NHSL1: variants seen among roughly 807,000 people sequenced by gnomAD.
NHSL1 encodes NHS-like protein 1.
In NHSL1, 48 loss-of-function variants were observed where a neutral mutation model predicts 95.0. That is an observed-to-expected ratio of 0.51 (90% confidence interval 0.40 to 0.64). NHSL1 has a LOEUF of 0.64. NHSL1 is among the 30% of genes least tolerant of loss of function. The pLI is 0.00. For synonymous variants in NHSL1, 783 were observed against 833.9 expected (o/e 0.94, Z 1.05); for missense variants, 1,971 against 2,077.7 (o/e 0.95, Z 1.00).
At chr6:138,486,943 T>C (rs957364012) in intron 2 of NHSL1, among the ~76,000 whole-genome samples, 14 of 151,890 alleles carry the variant, frequency 9.2e-5, no homozygotes, top group African/African-American at 3.4e-4. Context: ...CCAGGAAAGG[T>C]TGTGGGGGAC....
chr6:138,505,103 C>CAT (rs34270622), intron 1 of NHSL1, among the ~76,000 whole-genome samples: 90,310 of 151,782 alleles, frequency 0.59, 28,458 homozygotes, highest in East Asian at 0.95. Flanking sequence ...TTCTAGAACT[C>CAT]AGACATAGCC....
upstream of NHSL1, among the ~76,000 whole-genome samples, chr6:138,572,884 T>TAGATAGATAGATAGAG (rs1783894032): frequency 6.6e-6 from 1 of 151,880 alleles, no homozygotes; most frequent in African/African-American, 2.4e-5. Context: ...GATAGATAGA[T>TAGATAGATAGATAGAG]AGATACATCC....
chr6:138,691,841 G>A (rs1166582640), intron 1 of NHSL1: 1 of 453,998 alleles, frequency 2.2e-6, no homozygotes, highest in South Asian at 1.6e-5. Flanking sequence ...TTCAGAGCCT[G>A]AACTCAAGGT....
chr6:138,553,374 C>G (rs777227790), intron 1 of NHSL1, among the ~76,000 whole-genome samples: 1 of 152,196 alleles, frequency 6.6e-6, no homozygotes, highest in Non-Finnish European at 1.5e-5. Context: ...GTAGCAGGAT[C>G]AATCTCAAGC....
chr6:138,547,028 C>T (rs1401500698), upstream of NHSL1, among the ~76,000 whole-genome samples: 1 of 152,172 alleles, frequency 6.6e-6, no homozygotes, highest in African/African-American at 2.4e-5. Context: ...TCACAGGACC[C>T]GTTGCTGTTT....
At chr6:138,446,948 C>G (rs1189924742) in intron 4 of NHSL1, 53 bp downstream of exon 4, 10 of 1,502,562 alleles carry the variant, frequency 6.7e-6, no homozygotes, top group Non-Finnish European at 9.1e-6. Context: ...AAACAAAAAG[C>G]TGTAGTCATT....
At chr6:138,438,742 C>G (rs1384632458) in intron 5 of NHSL1, among the ~76,000 whole-genome samples, 1 of 152,038 alleles carries the variant, frequency 6.6e-6, no homozygotes, top group East Asian at 1.9e-4. Context: ...AAGGATTAGG[C>G]TATGAGTTTT....
At chr6:138,537,263 A>G (rs1782393223) in intron 1 of NHSL1, among the ~76,000 whole-genome samples, 3 of 152,244 alleles carry the variant, frequency 2.0e-5, no homozygotes, top group African/African-American at 7.2e-5. Flanking sequence ...CGGTATCAGG[A>G]TACTCTCACT....
At chr6:138,524,599 T>C (rs188954783) in intron 1 of NHSL1, among the ~76,000 whole-genome samples, 3 of 148,828 alleles carry the variant, frequency 2.0e-5, no homozygotes, top group Non-Finnish European at 3.0e-5. Flanking sequence ...ACATTTAGTG[T>C]TTTTTTTTCC....
intron 1 of NHSL1, among the ~76,000 whole-genome samples, chr6:138,519,300 C>T (rs1781580413): frequency 6.6e-6 from 1 of 151,906 alleles, no homozygotes; most frequent in South Asian, 2.1e-4. Flanking sequence ...TGCTCTGTCA[C>T]CCAATTTTCC....
intron 1 of NHSL1, among the ~76,000 whole-genome samples, chr6:138,518,224 A>G (rs1458232476): frequency 6.6e-6 from 1 of 152,204 alleles, no homozygotes; most frequent in Non-Finnish European, 1.5e-5. Context: ...TGAATCAGAA[A>G]CTGAAGAGTG....
intron 1 of NHSL1, chr6:138,650,175 C>T (rs1785071137): frequency 9.8e-5 from 55 of 559,114 alleles, no homozygotes; most frequent in South Asian, 8.3e-4. Context: ...TCAGGCCTCA[C>T]TCATGGTGGC....
At chr6:138,591,070 G>A (rs897353611) in intron 1 of NHSL1, among the ~76,000 whole-genome samples, 8 of 152,130 alleles carry the variant, frequency 5.3e-5, no homozygotes, top group Non-Finnish European at 1.2e-4. Context: ...CAGCAATACT[G>A]CCACCTAGTG....
upstream of NHSL1, among the ~76,000 whole-genome samples, chr6:138,575,510 G>A (rs1323283014): frequency 6.6e-6 from 1 of 152,046 alleles, no homozygotes; most frequent in African/African-American, 2.4e-5. Flanking sequence ...TAAGACCTAG[G>A]GATACGTTTG....
At chr6:138,632,882 C>G (rs1387843908) in intron 1 of NHSL1, among the ~76,000 whole-genome samples, 1 of 152,074 alleles carries the variant, frequency 6.6e-6, no homozygotes, top group African/African-American at 2.4e-5. Context: ...CACCAGGGAC[C>G]AATCCTGGAG....
intron 1 of NHSL1, among the ~76,000 whole-genome samples, chr6:138,664,820 C>G (rs6913772): frequency 0.044 from 6,627 of 152,306 alleles, 386 homozygotes; most frequent in African/African-American, 0.13. Context: ...GGAGCCCCAG[C>G]AAAGAGTTGA....
intron 3 of NHSL1, among the ~76,000 whole-genome samples, chr6:138,455,496 GCCCC>G (rs1777535425): frequency 2.3e-5 from 2 of 86,132 alleles, no homozygotes; most frequent in Non-Finnish European, 5.0e-5. Context: ...CCTGCAAGGA[GCCCC>G]GCCTTCACAT....
At chr6:138,563,580 ATT>A (rs1265107654) in intron 1 of NHSL1, among the ~76,000 whole-genome samples, 2 of 152,226 alleles carry the variant, frequency 1.3e-5, no homozygotes, top group African/African-American at 4.8e-5. Flanking sequence ...AATAGATCGA[ATT>A]TGTAGGCTTA....
At chr6:138,669,958 T>C (rs1785342516) in intron 1 of NHSL1, among the ~76,000 whole-genome samples, 1 of 151,978 alleles carries the variant, frequency 6.6e-6, no homozygotes, top group South Asian at 2.1e-4. Flanking sequence ...CTGTCTCTAC[T>C]AAAAATACAA....
Sources: allele counts gnomAD v4.1 joint callset (sites outside exome capture counted in the v4.1 genomes callset), GRCh38; gene constraint gnomAD v4.1.1; transcripts MANE v1.5; gene names NCBI Gene and HGNC (gene_info 2026-07-23, HGNC 2026-07-21).